The following ZUP1 variants were observed in gnomAD, a reference collection of about 807,000 sequenced individuals.
ZUP1 encodes the protein zinc finger-containing ubiquitin peptidase 1.
A neutral mutation model predicts 68.1 loss-of-function variants in ZUP1; 55 were observed. The observed-to-expected ratio is 0.81, with a 90% CI of 0.65 to 1.01. ZUP1 has a LOEUF of 1.01. Among genes scored for constraint, ZUP1 ranks in the 50% least tolerant of loss-of-function variants. The pLI, the probability that ZUP1 is intolerant of heterozygous loss-of-function variation, is 0.00. For missense variants in ZUP1, 684 were observed against 674.9 expected (o/e 1.01, Z -0.15); for synonymous variants, 223 against 221.5 (o/e 1.01, Z -0.06).
At chr6:116,644,446 C>T (rs958509166) in intron 9 of ZUP1, among the ~76,000 whole-genome samples, 5 of 152,150 alleles carry the variant, frequency 3.3e-5, no homozygotes, top group African/African-American at 1.2e-4. Flanking sequence ...ACCCAAATGT[C>T]CAACAGTGAT....
chr6:116,648,838 C>T (rs1776393861), intron 7 of ZUP1, among the ~76,000 whole-genome samples: 2 of 151,838 alleles, frequency 1.3e-5, no homozygotes, highest in Non-Finnish European at 2.9e-5. Flanking sequence ...GGCATGGTGG[C>T]ACATGCCTGT....
intron 5 of ZUP1, among the ~76,000 whole-genome samples, chr6:116,652,538 A>T (rs1776542445): frequency 6.6e-6 from 1 of 152,170 alleles, no homozygotes; most frequent in Non-Finnish European, 1.5e-5. Context: ...CAATCAAAAA[A>T]TATTAATAGC....
At chr6:116,641,052 A>G (rs1776081188) in intron 9 of ZUP1, among the ~76,000 whole-genome samples, 2 of 150,436 alleles carry the variant, frequency 1.3e-5, no homozygotes, top group Non-Finnish European at 2.9e-5. Context: ...GTCTCTGATA[A>G]AACAGACTTT....
chr6:116,656,228 T>C (rs989803201), intron 5 of ZUP1, among the ~76,000 whole-genome samples: 5 of 152,064 alleles, frequency 3.3e-5, no homozygotes, highest in African/African-American at 1.2e-4. Flanking sequence ...TACAGGCATG[T>C]GCCACCACGC....
chr6:116,644,686 T>C (rs1247121438), intron 9 of ZUP1, among the ~76,000 whole-genome samples: 1 of 151,250 alleles, frequency 6.6e-6, no homozygotes, highest in Admixed American at 6.6e-5. Flanking sequence ...CTGGGGACTG[T>C]TGTGGGGTGG....
At chr6:116,665,082 C>T (rs753908909) in intron 2 of ZUP1, among the ~76,000 whole-genome samples, 22 of 151,862 alleles carry the variant, frequency 1.4e-4, no homozygotes, top group Admixed American at 6.6e-4. Context: ...TGGAATACAG[C>T]TGAAGGATTA....
Position 116,656,870 on chromosome 6 carries a change from A to T in ZUP1, c.793-18T>A. On this transcript the variant is annotated intron_variant, in intron 4 of 9. Coordinates refer to ENST00000368576, the MANE Select transcript of ZUP1 (RefSeq NM_145062.3). ...TATTGTCTCTATTGAACATAAAAATAAATGACTTAATTTTTACATCCCTGT... is the reference window on the plus strand; with the variant it reads ...TATTGTCTCTATTGAACATAAAAATTAATGACTTAATTTTTACATCCCTGT... 6.6e-7 allele frequency: 1 copy of T among 1,522,856 alleles called. No individual in the cohort carries two copies. Among genetic ancestry groups the T allele is most frequent in the Non-Finnish European group, 8.9e-7 (1 of 1,126,104 alleles). The allele number at this position is 1,522,856 out of a possible 1,614,324, so 94.3% of individuals were successfully genotyped here. A position where few individuals can be genotyped will look rare whatever the true frequency, so the allele number is the denominator to read the frequency against.
In ZUP1 at chr6:116,645,720, C is replaced by A. The variant is rs773424417; in HGVS notation, c.1683G>T (p.Glu561Asp). Reference sequence around the variant, plus strand: ...TAAATATTTAGATACTTACAAGTTTCTCCTCTAGAGAAAGAGCACCCTCTA... The same window carrying A: ...TAAATATTTAGATACTTACAAGTTTATCCTCTAGAGAAAGAGCACCCTCTA... ...LAVEGALSLE[E>D]KLARRQASQV... Residue 561 changes from glutamate (E) to aspartate (D), a missense_variant, in exon 9 of 10, where the codon GAG becomes GAT. Transcript: ENST00000368576. 2 of 1,601,456 alleles carry A rather than the reference C, an allele frequency of 1.2e-6. No individual in the cohort carries two copies. Among genetic ancestry groups the A allele is most frequent in the Non-Finnish European group, 1.7e-6 (2 of 1,175,476 alleles).
At chr6:116,655,012 C>T (rs556818206) in intron 5 of ZUP1, among the ~76,000 whole-genome samples, 2 of 151,996 alleles carry the variant, frequency 1.3e-5, no homozygotes, top group Admixed American at 6.5e-5. Context: ...ACTAGAGAAA[C>T]GCCTGAAGTA....
chr6:116,655,879 G>A lies in ZUP1; in HGVS notation c.961+805C>T, dbSNP rs1217123544. Among the ~76,000 whole-genome samples the A allele has an allele frequency of 3.3e-5, 5 of 152,152 alleles. No individual in the cohort carries two copies. The East Asian group carries it at 9.6e-4, about 29-fold the overall frequency. ...TAGCCAATAGCCATTTGTGGCTATC[G>A]AGAATTTGAAATGTGGCTGCCCAAT... On this transcript the variant is annotated intron_variant, in intron 5 of 9. Transcript: ENST00000368576.
intron 5 of ZUP1, among the ~76,000 whole-genome samples, chr6:116,655,662 CATATT>C (rs1276980676): frequency 6.6e-6 from 1 of 152,030 alleles, no homozygotes; most frequent in Non-Finnish European, 1.5e-5. Flanking sequence ...AGAAAAAAGC[CATATT>C]ATGGGGCAAG....
chr6:116,647,477 T>C lies in ZUP1; in HGVS notation c.1450A>G (p.Ile484Val), dbSNP rs1157489402. 5 of 1,571,932 alleles carry C rather than the reference T, an allele frequency of 3.2e-6. No homozygotes were observed. Among genetic ancestry groups the C allele is most frequent in the East Asian group, 2.3e-5 (1 of 44,192 alleles). Residue 484 changes from isoleucine to valine, a missense_variant, in exon 8 of 10, where the codon ATC becomes GTC. Coordinates refer to ENST00000368576, the MANE Select transcript of ZUP1 (RefSeq NM_145062.3). ...TACTAACCTTGATGCTGAAGATAGA[T>C]AGGAGGTTTAGATGTACACACTACC... ...PKVVCTSKPPIYLQHQGHSRT... is the reference protein window; with the variant it reads ...PKVVCTSKPPVYLQHQGHSRT...
rs542532532 is a variant in ZUP1 at position 116,640,242 on chromosome 6, G to C, written c.1690-4363C>G. On this transcript the variant is annotated intron_variant, in intron 9 of 9. Transcript: ENST00000368576. Reference sequence around the variant, plus strand: ...GTACCTGAAAGTGACGGGGAGAATGGAACCAAGTTGGAAAACACTCTGCAG... The same window carrying C: ...GTACCTGAAAGTGACGGGGAGAATGCAACCAAGTTGGAAAACACTCTGCAG... Among the ~76,000 whole-genome samples, 908 of 152,234 alleles carry C rather than the reference G, an allele frequency of 6.0e-3. 2 individuals carry two copies. The highest frequency in any genetic ancestry group is 9.7e-3 in the Non-Finnish European group (657 of 68,006).
chr6:116,657,455 GATC>G (rs1776706938), intron 4 of ZUP1, among the ~76,000 whole-genome samples: 1 of 152,070 alleles, frequency 6.6e-6, no homozygotes, highest in Non-Finnish European at 1.5e-5. Context: ...TTTTTGTATT[GATC>G]ATGTTTTAAA....
At chr6:116,658,967 A>T in intron 3 of ZUP1, 43 bp from the exon 4 acceptor site, 2 of 1,484,858 alleles carry the variant, frequency 1.3e-6, no homozygotes, top group Non-Finnish European at 1.8e-6. Context: ...AACTGTTGCA[A>T]TCAAAGATTA....
intron 7 of ZUP1, among the ~76,000 whole-genome samples, chr6:116,648,621 T>G (rs1312489266): frequency 6.6e-6 from 1 of 152,084 alleles, no homozygotes; most frequent in Non-Finnish European, 1.5e-5. Flanking sequence ...CAGGATATAT[T>G]AATAAAAAAG....
chr6:116,642,057 C>G (rs376136031), intron 9 of ZUP1, among the ~76,000 whole-genome samples: 3 of 152,106 alleles, frequency 2.0e-5, no homozygotes, highest in Admixed American at 1.3e-4. Flanking sequence ...ACTACAAACA[C>G]CTCTACGCAA....
At chr6:116,662,370 C>T (rs1776869082) in intron 2 of ZUP1, among the ~76,000 whole-genome samples, 1 of 151,870 alleles carries the variant, frequency 6.6e-6, no homozygotes, top group African/African-American at 2.4e-5. Context: ...CACACTACAC[C>T]TCATATCCCA....
At chr6:116,648,393 T>G (rs1021101406) in intron 7 of ZUP1, among the ~76,000 whole-genome samples, 3 of 152,232 alleles carry the variant, frequency 2.0e-5, no homozygotes, top group African/African-American at 7.2e-5. Context: ...ACATCCGAAT[T>G]GCTAACCTCA....
Sources: allele counts gnomAD v4.1 joint callset (sites outside exome capture counted in the v4.1 genomes callset), GRCh38; gene constraint gnomAD v4.1.1; transcripts MANE v1.5; gene names NCBI Gene and HGNC (gene_info 2026-07-23, HGNC 2026-07-21).